Variants in IFI44 observed in about 807,000 individuals in gnomAD.
IFI44 encodes interferon induced protein 44.
Under a neutral mutation model 45.0 loss-of-function variants are expected in IFI44, and 42 were observed. That is an observed-to-expected ratio of 0.93 (90% confidence interval 0.73 to 1.21). IFI44 has a LOEUF of 1.21. Among genes scored for constraint, IFI44 ranks in the 50% most tolerant of loss-of-function variants. The pLI is 0.00. For synonymous variants in IFI44, 221 were observed against 188.6 expected (o/e 1.17, Z -1.41); for missense variants, 623 against 525.8 (o/e 1.18, Z -1.81).
intron 2 of IFI44, among the ~76,000 whole-genome samples, chr1:78,653,719 A>G (rs1053623516): frequency 3.9e-5 from 6 of 152,182 alleles, no homozygotes; most frequent in African/African-American, 1.4e-4. Flanking sequence ...TGGGAGCAGG[A>G]ATAAAATTAA....
chr1:78,663,164 C>G, intron 8 of IFI44: 1 of 985,214 alleles, frequency 1.0e-6, no homozygotes, highest in South Asian at 4.7e-5. Flanking sequence ...ACATCCCAAG[C>G]TGTATCCCTG....
intron 7 of IFI44, among the ~76,000 whole-genome samples, chr1:78,661,627 G>T (rs1647463604): frequency 6.6e-6 from 1 of 152,128 alleles, no homozygotes; most frequent in Non-Finnish European, 1.5e-5. Flanking sequence ...GTGAGGGGAT[G>T]GGAGTGTGGG....
At chr1:78,660,742 C>T (rs747476891) in intron 7 of IFI44, 88 bp downstream of exon 7, 2 of 892,188 alleles carry the variant, frequency 2.2e-6, no homozygotes, top group Admixed American at 3.6e-5. Context: ...AAACAAGCAG[C>T]TACTGGGTTT....
chr1:78,651,301 C>T (rs1018729320), intron 2 of IFI44, among the ~76,000 whole-genome samples: 5 of 152,152 alleles, frequency 3.3e-5, no homozygotes, highest in African/African-American at 1.2e-4. Flanking sequence ...TAAACGGTCC[C>T]ATCTTGGGGT....
intron 7 of IFI44, among the ~76,000 whole-genome samples, chr1:78,661,363 A>AT (rs552902548): frequency 3.3e-5 from 5 of 151,368 alleles, no homozygotes; most frequent in East Asian, 3.9e-4. Flanking sequence ...ATACCCAGCC[A>AT]TTTTTTTTCA....
At chr1:78,656,225 T>C (rs571770904) in intron 5 of IFI44, among the ~76,000 whole-genome samples, 1 of 152,314 alleles carries the variant, frequency 6.6e-6, no homozygotes, top group East Asian at 1.9e-4. Flanking sequence ...CTGAGACGTA[T>C]GGCTGTCATT....
chr1:78,656,474 T>A (rs1314365119), intron 5 of IFI44, among the ~76,000 whole-genome samples: 2 of 152,226 alleles, frequency 1.3e-5, no homozygotes, highest in African/African-American at 4.8e-5. Context: ...TCTAGTTTTT[T>A]CTATTGATGT....
At chr1:78,657,995 G>A (rs1459116416) in intron 5 of IFI44, among the ~76,000 whole-genome samples, 3 of 151,784 alleles carry the variant, frequency 2.0e-5, no homozygotes, top group East Asian at 3.9e-4. Context: ...TCCTGGTGTG[G>A]GGCATTAGAA....
chr1:78,657,531 G>A (rs927939115), intron 5 of IFI44, among the ~76,000 whole-genome samples: 1 of 151,986 alleles, frequency 6.6e-6, no homozygotes, highest in Non-Finnish European at 1.5e-5. Flanking sequence ...TCTAATACTG[G>A]TGTTAATCAA....
intron 5 of IFI44, among the ~76,000 whole-genome samples, chr1:78,655,822 C>A (rs573423808): frequency 6.6e-6 from 1 of 152,276 alleles, no homozygotes; most frequent in Admixed American, 6.5e-5. Flanking sequence ...TGGCAGCTAT[C>A]TGAAGTTACT....
intron 6 of IFI44, among the ~76,000 whole-genome samples, chr1:78,659,804 T>G (rs1647350714): frequency 6.6e-6 from 1 of 152,216 alleles, no homozygotes; most frequent in East Asian, 1.9e-4. Flanking sequence ...ATGCTACCCC[T>G]ATATCTTCGC....
At chr1:78,658,169 G>A (rs941132234) in intron 5 of IFI44, among the ~76,000 whole-genome samples, 3 of 151,826 alleles carry the variant, frequency 2.0e-5, no homozygotes, top group Non-Finnish European at 4.4e-5. Context: ...TCTATCACTC[G>A]TATATCTGCT....
chr1:78,662,722 A>G lies in IFI44; in HGVS notation c.1132A>G (p.Lys378Glu). 6.2e-7 allele frequency: 1 copy of G among 1,613,168 alleles called. No individual in the cohort carries two copies. The highest frequency in any genetic ancestry group is 1.1e-5 in the South Asian group (1 of 91,044). ...VRSKLEEVQR[K>E]LGFALSDISV... ...ATTGCAGCTAGAGGAAGTCCAAAGA[A>G]AACTTGGATTTGCTCTTTCTGACAT... is the stretch of plus-strand genomic sequence containing the variant. Residue 378 changes from lysine to glutamate, a missense_variant, in exon 8 of 9, where the codon AAA becomes GAA. Transcript: ENST00000370747.
In IFI44 at chr1:78,663,704, T is replaced by C. The variant is rs949563865; in HGVS notation, c.1289-61T>C. The C allele has an allele frequency of 1.6e-4, 251 of 1,594,600 alleles. 1 individual carries two copies. Among genetic ancestry groups the C allele is most frequent in the Non-Finnish European group, 2.7e-5 (32 of 1,172,200 alleles). ...GATTTTCAGTGGTCCAATATTCCTC[T>C]TCCCTCTGGTTGCCTTTCCTGAGAT... On this transcript the variant is annotated intron_variant, in intron 8 of 8. Coordinates refer to ENST00000370747, the MANE Select transcript of IFI44 (RefSeq NM_006417.5).
At chr1:78,652,174 C>T (rs755257293) in intron 2 of IFI44, among the ~76,000 whole-genome samples, 4 of 152,080 alleles carry the variant, frequency 2.6e-5, no homozygotes, top group Non-Finnish European at 4.4e-5. Context: ...TTCCGCCCCG[C>T]GGGATCAAGT....
chr1:78,654,848 C>A (rs1647181509), intron 3 of IFI44, among the ~76,000 whole-genome samples, 166 bp from the exon 4 acceptor site: 2 of 151,738 alleles, frequency 1.3e-5, no homozygotes, highest in Non-Finnish European at 2.9e-5. Context: ...GCCTTTTGTT[C>A]TTTTTGCAAT....
intron 2 of IFI44, among the ~76,000 whole-genome samples, chr1:78,653,969 T>A: frequency 6.6e-6 from 1 of 152,210 alleles, no homozygotes; most frequent in Admixed American, 6.5e-5. Flanking sequence ...CGGAGTAAGT[T>A]ACACACTACT....
chr1:78,649,943 A>G, intron 1 of IFI44, 38 bp downstream of exon 1: 1 of 336,668 alleles, frequency 3.0e-6, no homozygotes, highest in Admixed American at 4.5e-5. Flanking sequence ...CCTAGCTAGC[A>G]TTAGTCTCTC....
intron 8 of IFI44, chr1:78,663,230 G>A (rs548444976): frequency 3.3e-5 from 33 of 985,146 alleles, no homozygotes; most frequent in Non-Finnish European, 3.9e-5. Flanking sequence ...GATTGGATTG[G>A]CATTGCTCCT....
Sources: allele counts gnomAD v4.1 joint callset (sites outside exome capture counted in the v4.1 genomes callset), GRCh38; gene constraint gnomAD v4.1.1; transcripts MANE v1.5; gene names NCBI Gene and HGNC (gene_info 2026-07-23, HGNC 2026-07-21).